MEGF10: variants seen among roughly 807,000 people sequenced by gnomAD.
The protein encoded by MEGF10 is multiple epidermal growth factor-like domains protein 10.
A neutral mutation model predicts 147.5 loss-of-function variants in MEGF10; 86 were observed. That is an observed-to-expected ratio of 0.58 (90% CI 0.49 to 0.70). The LOEUF (loss-of-function observed/expected upper bound fraction) is 0.70. Ranked by LOEUF, MEGF10 falls within the 30% of genes least tolerant of loss-of-function variation. The pLI, the probability that MEGF10 is intolerant of heterozygous loss-of-function variation, is 0.00. For synonymous variants in MEGF10, 478 were observed against 525.5 expected (o/e 0.91, Z 1.24); for missense variants, 1,329 against 1,487.3 (o/e 0.89, Z 1.75).
chr5:127,291,784 T>G (rs969722081), intron 1 of MEGF10, among the ~76,000 whole-genome samples: 9 of 152,242 alleles, frequency 5.9e-5, no homozygotes, highest in African/African-American at 2.2e-4. Context: ...TAATTTTCTT[T>G]CTGGAAGTAT....
At chr5:127,247,704 G>A in the MEGF10 span, among the ~76,000 whole-genome samples, 5 of 152,044 alleles carry the variant, frequency 3.3e-5, no homozygotes, top group Non-Finnish European at 5.9e-5. Context: ...CATGAGGCAA[G>A]CACCACATTT....
the MEGF10 span, among the ~76,000 whole-genome samples, chr5:127,267,600 G>T: frequency 2.0e-5 from 3 of 152,216 alleles, no homozygotes; most frequent in East Asian, 3.9e-4. Context: ...CAATTTCAGA[G>T]CCTGTTATTG....
At chr5:127,368,974 G>A (rs1762752078) in intron 4 of MEGF10, among the ~76,000 whole-genome samples, 1 of 152,034 alleles carries the variant, frequency 6.6e-6, no homozygotes, top group African/African-American at 2.4e-5. Flanking sequence ...CTGGAGATAA[G>A]GCTTATTTTA....
At chr5:127,348,483 C>G (rs886866848) in intron 4 of MEGF10, among the ~76,000 whole-genome samples, 3 of 152,016 alleles carry the variant, frequency 2.0e-5, no homozygotes, top group African/African-American at 7.2e-5. Flanking sequence ...ATACAATAAG[C>G]CAGGTCACCC....
At chr5:127,364,021 C>T (rs1762569842) in intron 4 of MEGF10, among the ~76,000 whole-genome samples, 1 of 152,158 alleles carries the variant, frequency 6.6e-6, no homozygotes, top group Non-Finnish European at 1.5e-5. Context: ...TCCACTTTTT[C>T]AGCTCAGATG....
chr5:127,447,734 G>T, intron 21 of MEGF10, 50 bp downstream of exon 21: 3 of 1,610,672 alleles, frequency 1.9e-6, no homozygotes, highest in East Asian at 2.2e-5. Context: ...GAGAGAGGAA[G>T]GGAACCAGCA....
chr5:127,411,050 G>A (rs571317085), intron 9 of MEGF10, among the ~76,000 whole-genome samples: 1 of 152,190 alleles, frequency 6.6e-6, no homozygotes, highest in Non-Finnish European at 1.5e-5. Context: ...AGGCTAGAGA[G>A]AGGAAGTGAA....
At chr5:127,301,450 C>G (rs1444031942) in intron 1 of MEGF10, among the ~76,000 whole-genome samples, 1 of 152,052 alleles carries the variant, frequency 6.6e-6, no homozygotes, top group African/African-American at 2.4e-5. Flanking sequence ...TGCAGCACAT[C>G]TATGAGAGGT....
rs909160751 is a variant in MEGF10 at position 127,460,483 on chromosome 5, C to G, written c.*3165C>G. 5.3e-5 allele frequency: 8 copies of G among 152,090 alleles called. No homozygotes were observed. Among genetic ancestry groups the G allele is most frequent in the African/African-American group, 1.9e-4 (8 of 41,432 alleles). 9.4% of individuals were successfully genotyped at this position (152,090 alleles called of 1,614,324 possible). On this transcript the variant is annotated 3_prime_UTR_variant, in exon 25 of 25. Coordinates refer to ENST00000503335, the MANE Select transcript of MEGF10 (RefSeq NM_001256545.2). Reference sequence around the variant, plus strand: ...AATTTCAGGAAAACCAACCATAGAACTTTATAATAGGACAGTTATAACCTG... The same window carrying G: ...AATTTCAGGAAAACCAACCATAGAAGTTTATAATAGGACAGTTATAACCTG...
chr5:127,261,007 C>T, the MEGF10 span, among the ~76,000 whole-genome samples: 31 of 152,260 alleles, frequency 2.0e-4, no homozygotes, highest in South Asian at 5.0e-3. Flanking sequence ...TCCTATGGGG[C>T]GCTCTGCTCC....
intron 4 of MEGF10, among the ~76,000 whole-genome samples, chr5:127,353,493 G>A (rs1320504107): frequency 1.3e-5 from 2 of 152,214 alleles, no homozygotes; most frequent in African/African-American, 4.8e-5. Context: ...AATCCAGAGA[G>A]AAGGCTGGCC....
chr5:127,342,102 T>C (rs1411995028), intron 4 of MEGF10, among the ~76,000 whole-genome samples: 1 of 152,210 alleles, frequency 6.6e-6, no homozygotes, highest in South Asian at 2.1e-4. Flanking sequence ...TTTCTTTGAT[T>C]AATAATGATG....
At chr5:127,280,148 A>G in the MEGF10 span, among the ~76,000 whole-genome samples, 6 of 152,234 alleles carry the variant, frequency 3.9e-5, no homozygotes, top group Non-Finnish European at 7.3e-5. Context: ...ACATGAAAAC[A>G]TACAAAATTT....
the MEGF10 span, among the ~76,000 whole-genome samples, chr5:127,281,100 C>G: frequency 6.6e-6 from 1 of 152,208 alleles, no homozygotes; most frequent in Non-Finnish European, 1.5e-5. Flanking sequence ...ACTCCAGCAT[C>G]TGGCATCCAG....
chr5:127,283,140 T>C, the MEGF10 span, among the ~76,000 whole-genome samples: 2 of 152,246 alleles, frequency 1.3e-5, no homozygotes, highest in African/African-American at 2.4e-5. Flanking sequence ...TGATACAGTA[T>C]GCATTCATAT....
At chr5:127,332,174 A>T (rs563833668) in intron 2 of MEGF10, among the ~76,000 whole-genome samples, 5 of 152,330 alleles carry the variant, frequency 3.3e-5, no homozygotes, top group Admixed American at 1.3e-4. Context: ...CCCTTTTGGA[A>T]CACAAAAATA....
chr5:127,366,660 T>C (rs1042628948), intron 4 of MEGF10, among the ~76,000 whole-genome samples: 1 of 152,236 alleles, frequency 6.6e-6, no homozygotes, highest in Non-Finnish European at 1.5e-5. Flanking sequence ...AGCTCAAGGT[T>C]TTCATAAATG....
chr5:127,417,721 A>G lies in MEGF10; in HGVS notation c.1214A>G (p.Tyr405Cys), dbSNP rs1764829943. The G allele has an allele frequency of 3.7e-6, 6 of 1,614,136 alleles. No individual in the cohort carries two copies. Among genetic ancestry groups the G allele is most frequent in the Non-Finnish European group, 5.1e-6 (6 of 1,180,026 alleles). The change falls in exon 10 of 25, where the codon TAC becomes TGC. Residue 405 changes from tyrosine (Y) to cysteine (C), a missense_variant. Tyr to Cys is a radical substitution (Grantham distance 194, BLOSUM62 -2). Coordinates refer to ENST00000503335, the MANE Select transcript of MEGF10 (RefSeq NM_001256545.2). ...YCNETCSPGF[Y>C]GEACQQICSC... ...AATGAGACATGTTCTCCTGGATTCT[A>G]CGGGGAAGCTTGCCAGCAGATCTGC...
chr5:127,310,121 T>C (rs1760225810), intron 1 of MEGF10, among the ~76,000 whole-genome samples: 1 of 150,746 alleles, frequency 6.6e-6, no homozygotes, highest in African/African-American at 2.4e-5. Context: ...TCCTAATCAG[T>C]GTGAAGTTAT....
Sources: allele counts gnomAD v4.1 joint callset (sites outside exome capture counted in the v4.1 genomes callset), GRCh38; gene constraint gnomAD v4.1.1; transcripts MANE v1.5; gene names NCBI Gene and HGNC (gene_info 2026-07-23, HGNC 2026-07-21).